Variants in KIAA1671 observed in about 807,000 individuals in gnomAD.
KIAA1671 encodes the protein KIAA1671, also known as uncharacterized protein KIAA1671.
In KIAA1671, 52 loss-of-function variants were observed where a neutral mutation model predicts 131.2. The ratio of observed to expected loss-of-function variants is 0.40; its 90% CI spans 0.32 to 0.50. KIAA1671 has a LOEUF of 0.50. KIAA1671 is among the 20% of genes least tolerant of loss of function. The pLI, the probability that KIAA1671 is intolerant of heterozygous loss-of-function variation, is 0.73. For missense variants in KIAA1671, 2,360 were observed against 2,364.2 expected (o/e 1.00, Z 0.04); for synonymous variants, 1,003 against 961.6 (o/e 1.04, Z -0.80).
chr22:25,163,955 G>T (rs187853705), intron 6 of KIAA1671, among the ~76,000 whole-genome samples: 1 of 152,092 alleles, frequency 6.6e-6, no homozygotes, highest in Non-Finnish European at 1.5e-5. Flanking sequence ...TTAAATTTGG[G>T]GACATATATT....
At chr22:25,069,345 AG>A (rs1196428158) in intron 6 of KIAA1671, among the ~76,000 whole-genome samples, 1 of 152,184 alleles carries the variant, frequency 6.6e-6, no homozygotes, top group Non-Finnish European at 1.5e-5. Flanking sequence ...GCTCTTTTGA[AG>A]GAAACATCTG....
At chr22:25,093,846 C>CTCTCTCTCTG (rs1930258451) in intron 6 of KIAA1671, among the ~76,000 whole-genome samples, 1 of 94,568 alleles carries the variant, frequency 1.1e-5, no homozygotes, top group African/African-American at 3.7e-5. Context: ...CTGTCTCTCT[C>CTCTCTCTCTG]TCTCTCTCTC....
chr22:25,139,659 A>G (rs914798737), intron 6 of KIAA1671, among the ~76,000 whole-genome samples: 2 of 152,216 alleles, frequency 1.3e-5, no homozygotes, highest in East Asian at 3.8e-4. Context: ...GCAGTCTAAT[A>G]TCATGGGTGG....
Position 25,007,498 on chromosome 22 carries a change from A to G in KIAA1671, c.-207-18135A>G, listed in dbSNP as rs569659192. ...AGACTCGGTCTCAAAAAGCAAGGGA[A>G]AAAAAAAAAAAAGTCTGCTAGTGTT... On this transcript the variant is annotated intron_variant, in intron 1 of 12. Transcript: ENST00000358431. Among the ~76,000 whole-genome samples the G allele has an allele frequency of 1.5e-3, 223 of 144,558 alleles. 2 individuals carry two copies. In the South Asian group the frequency reaches 0.024, roughly 15 times the overall value. The allele number at this position is 144,558 out of a possible 152,430, so 94.8% of individuals were successfully genotyped here.
chr22:25,110,517 C>T (rs1033431142), intron 6 of KIAA1671, among the ~76,000 whole-genome samples: 2 of 152,190 alleles, frequency 1.3e-5, no homozygotes, highest in African/African-American at 4.8e-5. Context: ...GTCTCTGAAT[C>T]TGCATTTCCT....
intron 7 of KIAA1671, among the ~76,000 whole-genome samples, chr22:25,174,033 G>T (rs944331873): frequency 6.6e-6 from 1 of 152,148 alleles, no homozygotes; most frequent in Admixed American, 6.5e-5. Context: ...ACCTGGCCAG[G>T]TGTTCCAGGC....
At chr22:25,170,751 G>A (rs1160876338) in intron 6 of KIAA1671, 69 bp from the exon 7 acceptor site, 4 of 1,455,412 alleles carry the variant, frequency 2.7e-6, no homozygotes, top group Non-Finnish European at 3.8e-6. Flanking sequence ...TCTGATTTGT[G>A]TGTCAGCCGG....
chr22:25,171,365 C>T (rs1335910777), intron 7 of KIAA1671, among the ~76,000 whole-genome samples: 2 of 151,684 alleles, frequency 1.3e-5, no homozygotes, highest in African/African-American at 2.4e-5. Context: ...GATTGTGCCA[C>T]TGCACTCCAG....
intron 9 of KIAA1671, among the ~76,000 whole-genome samples, chr22:25,180,267 G>A (rs6004464): frequency 0.32 from 49,399 of 152,136 alleles, 8,425 homozygotes; most frequent in East Asian, 0.48. Context: ...CAGGCAGGGC[G>A]TGGTGGCTCA....
In KIAA1671 at chr22:25,049,244, C is replaced by T. The variant is rs1370818521; in HGVS notation, c.4410C>T (p.Asp1470=). Residue 1470 remains aspartate, a synonymous_variant, in exon 6 of 13, where the codon GAC becomes GAT. Transcript: ENST00000358431. ...TGDSHKVLPR[D]LEKEDAPQEK... Reference sequence around the variant, plus strand: ...CTGTGTTTCAGGTGCTGCCACGGGACCTGGAGAAGGAGGATGCCCCCCAGG... The same window carrying T: ...CTGTGTTTCAGGTGCTGCCACGGGATCTGGAGAAGGAGGATGCCCCCCAGG... 6.4e-7 allele frequency: 1 copy of T among 1,551,818 alleles called. No homozygotes were observed. Among genetic ancestry groups the T allele is most frequent in the Non-Finnish European group, 8.7e-7 (1 of 1,146,922 alleles).
chr22:24,963,998 G>T (rs778836998), intron 1 of KIAA1671, among the ~76,000 whole-genome samples: 1 of 150,694 alleles, frequency 6.6e-6, no homozygotes, highest in Non-Finnish European at 1.5e-5. Flanking sequence ...TCTTTATGCA[G>T]ACCCCACTTT....
intron 6 of KIAA1671, among the ~76,000 whole-genome samples, chr22:25,079,952 G>T (rs2145862611): frequency 6.6e-6 from 1 of 152,234 alleles, no homozygotes; most frequent in African/African-American, 2.4e-5. Context: ...GCTCAGACTG[G>T]GGCAGGAGAA....
At position 25,038,936 on chromosome 22, in the gene KIAA1671, G is replaced by T; in HGVS notation, c.1806G>T (p.Glu602Asp). 6.4e-7 allele frequency: 1 copy of T among 1,551,764 alleles called. No homozygotes were observed. Among genetic ancestry groups the T allele is most frequent in the Non-Finnish European group, 8.7e-7 (1 of 1,147,020 alleles). Reference protein sequence around the residue: ...EAPCPSDVTPEDDRSFQTVWA... With the variant: ...EAPCPSDVTPDDDRSFQTVWA... ...CGTGCCCTTCTGACGTCACTCCAGA[G>T]GATGACCGGAGCTTCCAGACTGTGT... The change falls in exon 5 of 13, where the codon GAG becomes GAT. Residue 602 changes from glutamate to aspartate, a missense_variant. Glu to Asp is a conservative substitution (Grantham distance 45, BLOSUM62 2). Around this residue, in one of 3 missense-constraint regions of KIAA1671, gnomAD observed 1,185 missense variants for 1,126.2 expected, o/e 1.05. Coordinates refer to ENST00000358431, the MANE Select transcript of KIAA1671 (RefSeq NM_001145206.2).
At chr22:25,164,978 CGT>C (rs59765745) in intron 6 of KIAA1671, among the ~76,000 whole-genome samples, 10,536 of 116,372 alleles carry the variant, frequency 0.091, 475 homozygotes, top group East Asian at 0.16. Flanking sequence ...GAGTTGCAGG[CGT>C]GTGTGTGTGT....
chr22:25,177,397 G>C lies in KIAA1671; in HGVS notation c.4949G>C (p.Ser1650Thr), dbSNP rs1934071269. 7.7e-6 allele frequency: 12 copies of C among 1,551,670 alleles called. No individual in the cohort carries two copies. The highest frequency in any genetic ancestry group is 1.0e-5 in the Non-Finnish European group (12 of 1,147,042). Residue 1650 changes from serine (S) to threonine (T), a missense_variant, in exon 9 of 13, where the codon AGC (serine) becomes ACC (threonine). Physicochemically the swap from Ser to Thr is moderately conservative, Grantham distance 58. Transcript: ENST00000358431. ...GCCCTCAAGACCCGGGTGCAGCTCAGCAAGAGAAGCCGCCGCCGGGCCCCC... is the reference window on the plus strand; with the variant it reads ...GCCCTCAAGACCCGGGTGCAGCTCACCAAGAGAAGCCGCCGCCGGGCCCCC... ...SSALKTRVQL[S>T]KRSRRRAPIS... is the part of the protein sequence containing the mutation.
intron 6 of KIAA1671, among the ~76,000 whole-genome samples, chr22:25,160,134 C>G (rs1478753073): frequency 2.6e-5 from 4 of 152,234 alleles, no homozygotes; most frequent in Non-Finnish European, 4.4e-5. Context: ...GCTGAGACCT[C>G]CAGTCCCAGA....
At chr22:25,149,525 G>A (rs1270917508) in intron 6 of KIAA1671, among the ~76,000 whole-genome samples, 1 of 151,928 alleles carries the variant, frequency 6.6e-6, no homozygotes, top group African/African-American at 2.4e-5. Flanking sequence ...CCTGTCCCTG[G>A]TGCCCCAAGC....
intron 1 of KIAA1671, among the ~76,000 whole-genome samples, chr22:24,976,112 C>T (rs1922897124): frequency 6.6e-6 from 1 of 152,224 alleles, no homozygotes; most frequent in South Asian, 2.1e-4. Flanking sequence ...CACCCGTAGC[C>T]AGCGACTGCA....
At chr22:25,004,824 T>C (rs1924659506) in intron 1 of KIAA1671, among the ~76,000 whole-genome samples, 1 of 151,566 alleles carries the variant, frequency 6.6e-6, no homozygotes, top group African/African-American at 2.4e-5. Context: ...CGGGCACCTG[T>C]AGTCCCAGCT....
Sources: gnomAD v4.1 joint callset for allele counts (sites outside exome capture counted in the v4.1 genomes callset) on GRCh38, gnomAD v4.1.1 for gene constraint, gnomAD v4.1.1 regional missense constraint, MANE v1.5 for transcripts, NCBI Gene and HGNC (gene_info 2026-07-23, HGNC 2026-07-21) for gene names.